Variants in ACYP2 observed in about 807,000 individuals in gnomAD.
ACYP2 encodes acylphosphatase-2.
Under a neutral mutation model 11.2 loss-of-function variants are expected in ACYP2, and 12 were observed. The ratio of observed to expected loss-of-function variants is 1.08; its 90% CI spans 0.69 to 1.74. The LOEUF (loss-of-function observed/expected upper bound fraction) is 1.74. ACYP2 is among the 40% of genes most tolerant of loss of function. ACYP2 has a pLI of 0.00. For synonymous variants in ACYP2, 43 were observed against 32.2 expected (o/e 1.33, Z -1.13); for missense variants, 134 against 101.9 (o/e 1.31, Z -1.35).
At chr2:54,217,766 G>A (rs559688368) in intron 6 of ACYP2, among the ~76,000 whole-genome samples, 42 of 152,232 alleles carry the variant, frequency 2.8e-4, no homozygotes, top group African/African-American at 9.9e-4. Flanking sequence ...AAAAGTAAGA[G>A]TATTACGTAG....
intron 6 of ACYP2, among the ~76,000 whole-genome samples, chr2:54,178,976 G>A (rs1430340231): frequency 6.6e-6 from 1 of 152,084 alleles, no homozygotes; most frequent in African/African-American, 2.4e-5. Context: ...TCTGGAGGCT[G>A]GGATATCCAA....
chr2:54,251,269 C>T (rs1434069544), intron 6 of ACYP2, among the ~76,000 whole-genome samples: 1 of 152,160 alleles, frequency 6.6e-6, no homozygotes, highest in Non-Finnish European at 1.5e-5. Flanking sequence ...TTACAATTTT[C>T]ACATATCAAT....
Position 54,139,178 on chromosome 2 carries a change from C to T in ACYP2, c.404+430C>T, listed in dbSNP as rs556152319. On this transcript the variant is annotated intron_variant, in intron 6 of 6. Coordinates refer to ENST00000607452, the MANE Select transcript of ACYP2 (RefSeq NM_001320586.2). ...CAATTTGTATGTCCTGTGGCATCTC[C>T]TCCAGCGTTAGGGAGATGTCCAGGG... Among the ~76,000 whole-genome samples, 8 of 152,208 alleles carry T rather than the reference C, an allele frequency of 5.3e-5. No homozygotes were observed. The South Asian group carries it at 6.2e-4, about 12-fold the overall frequency.
chr2:54,019,969 A>G (rs1673916306), intron 2 of ACYP2, among the ~76,000 whole-genome samples: 1 of 150,514 alleles, frequency 6.6e-6, no homozygotes, highest in Non-Finnish European at 1.5e-5. Flanking sequence ...TTGAGACGGA[A>G]TCTCACTCTT....
chr2:54,013,931 G>A (rs2104539271), intron 2 of ACYP2, among the ~76,000 whole-genome samples: 1 of 152,232 alleles, frequency 6.6e-6, no homozygotes, highest in African/African-American at 2.4e-5. Context: ...GCTGAGGTGG[G>A]CAGATCACTT....
intron 6 of ACYP2, among the ~76,000 whole-genome samples, chr2:54,165,795 ACT>A (rs1257341324): frequency 3.3e-5 from 5 of 152,106 alleles, no homozygotes; most frequent in African/African-American, 1.2e-4. Context: ...TGCATCTTGG[ACT>A]CTGGATGAAG....
chr2:54,195,203 G>A (rs1002230627), intron 6 of ACYP2, among the ~76,000 whole-genome samples: 6 of 152,126 alleles, frequency 3.9e-5, no homozygotes, highest in African/African-American at 9.7e-5. Flanking sequence ...TAAAAGGGCC[G>A]ATTGTTAGAT....
Position 54,291,680 on chromosome 2 carries a change from A to G in ACYP2, c.405-13008A>G, listed in dbSNP as rs536328090. ...GCAGCAGTGCCTGAGGCATCCATTTAGCTGGTGTGAAGATCTAGCCCATGT... is the reference window on the plus strand; with the variant it reads ...GCAGCAGTGCCTGAGGCATCCATTTGGCTGGTGTGAAGATCTAGCCCATGT... On this transcript the variant is annotated intron_variant, in intron 6 of 6. Coordinates refer to ENST00000607452, the MANE Select transcript of ACYP2 (RefSeq NM_001320586.2). Among the ~76,000 whole-genome samples the G allele has an allele frequency of 1.1e-4, 17 of 152,320 alleles. No homozygotes were observed. The South Asian group carries it at 3.5e-3, about 32-fold the overall frequency.
intron 6 of ACYP2, among the ~76,000 whole-genome samples, chr2:54,244,524 T>A (rs910177495): frequency 6.6e-6 from 1 of 152,218 alleles, no homozygotes; most frequent in Non-Finnish European, 1.5e-5. Flanking sequence ...CCACTGTGCC[T>A]GGCTTAGATA....
rs70944152 is a variant in ACYP2 at position 54,202,706 on chromosome 2, CTTTTTTTTTTTTTTTTTTT to C, written c.404+63981_404+63999del. Among the ~76,000 whole-genome samples, 209 of 43,036 alleles carry C rather than the reference CTTTTTTTTTTTTTTTTTTT, an allele frequency of 4.9e-3. 1 individual carries two copies. Among genetic ancestry groups the C allele is most frequent in the African/African-American group, 0.014 (169 of 11,658 alleles). The allele number at this position is 43,036 out of a possible 152,430, so 28.2% of individuals were successfully genotyped here. A position where few individuals can be genotyped will look rare whatever the true frequency, so the allele number is the denominator to read the frequency against. ...TACAGGTGTGAGCCACGGCGCCTGG[CTTTTTTTTTTTTTTTTTTT>C]TTTTTTTTTTTTTTTTTTTTTTGAG... On this transcript the variant is annotated intron_variant, in intron 6 of 6. Transcript: ENST00000607452.
intron 2 of ACYP2, among the ~76,000 whole-genome samples, chr2:54,048,728 G>A (rs368111693): frequency 1.8e-4 from 27 of 152,168 alleles, no homozygotes; most frequent in African/African-American, 6.0e-4. Context: ...CATTTTTAAA[G>A]ATATCTTCAG....
chr2:54,248,074 A>G lies in ACYP2; in HGVS notation c.405-56614A>G, dbSNP rs142360724. Among the ~76,000 whole-genome samples the G allele has an allele frequency of 3.5e-4, 53 of 152,368 alleles. 1 individual carries two copies. The highest frequency in any genetic ancestry group is 1.3e-3 in the African/African-American group (53 of 41,596). On this transcript the variant is annotated intron_variant, in intron 6 of 6. Coordinates refer to ENST00000607452, the MANE Select transcript of ACYP2 (RefSeq NM_001320586.2). The stretch of plus-strand genomic sequence containing the variant: ...TGTTGTTTTTAACTTTTATTAACTT[A>G]AAGAATAAATGTTGCAGTTTGACTC...
At chr2:54,100,303 CTTTT>C (rs201503798) in intron 4 of ACYP2, among the ~76,000 whole-genome samples, 5 of 132,484 alleles carry the variant, frequency 3.8e-5, no homozygotes, top group Non-Finnish European at 4.8e-5. Flanking sequence ...TATATACTTC[CTTTT>C]TTTTTTTTTT....
chr2:54,228,090 G>A (rs1686084599), intron 6 of ACYP2, among the ~76,000 whole-genome samples: 1 of 152,170 alleles, frequency 6.6e-6, no homozygotes, highest in African/African-American at 2.4e-5. Context: ...GAAAGGAAAT[G>A]GAAGGAATGT....
intron 6 of ACYP2, chr2:54,255,028 G>A: frequency 1.2e-6 from 2 of 1,614,152 alleles, no homozygotes; most frequent in Non-Finnish European, 1.7e-6. Context: ...CAGTGGATTT[G>A]ACCAGAGGTC....
At chr2:54,024,132 G>A (rs1014850916) in intron 2 of ACYP2, among the ~76,000 whole-genome samples, 2 of 152,128 alleles carry the variant, frequency 1.3e-5, no homozygotes, top group South Asian at 2.1e-4. Flanking sequence ...CCAGCACTTT[G>A]GGAGGCTAAA....
chr2:53,975,721 A>G (rs1213371363), intron 2 of ACYP2, among the ~76,000 whole-genome samples: 1 of 152,150 alleles, frequency 6.6e-6, no homozygotes, highest in Non-Finnish European at 1.5e-5. Context: ...AGTCCCAGCT[A>G]CTTGGGAGGC....
chr2:53,973,704 C>A lies in ACYP2; in HGVS notation c.-36-9C>A. The A allele has an allele frequency of 3.5e-6, 1 of 284,166 alleles. No homozygotes were observed. The highest frequency in any genetic ancestry group is 6.5e-6 in the Non-Finnish European group (1 of 154,078). The allele number at this position is 284,166 out of a possible 1,614,324, so 17.6% of individuals were successfully genotyped here. A position where few individuals can be genotyped will look rare whatever the true frequency, so the allele number is the denominator to read the frequency against. The stretch of plus-strand genomic sequence containing the variant: ...TAATCCCAACACCCTTTGCTGACTC[C>A]TTTTTCAGACTCAGCCTGCCTGCAC... On this transcript the variant is annotated splice_polypyrimidine_tract_variant and intron_variant, in intron 1 of 6. Transcript: ENST00000607452.
intron 6 of ACYP2, among the ~76,000 whole-genome samples, chr2:54,202,850 C>G (rs1202104866): frequency 6.7e-6 from 1 of 148,910 alleles, no homozygotes; most frequent in Non-Finnish European, 1.5e-5. Context: ...GTGCCTGGCT[C>G]AGACAGTCTT....
Sources: allele counts gnomAD v4.1 joint callset (sites outside exome capture counted in the v4.1 genomes callset), GRCh38; gene constraint gnomAD v4.1.1; transcripts MANE v1.5; gene names NCBI Gene and HGNC (gene_info 2026-07-23, HGNC 2026-07-21).